The following FRMD8 variants were observed in gnomAD, a reference collection of about 807,000 sequenced individuals.
FRMD8 encodes the protein FERM domain-containing protein 8.
Under a neutral mutation model 54.2 loss-of-function variants are expected in FRMD8, and 37 were observed. The observed-to-expected ratio is 0.68, with a 90% CI of 0.53 to 0.90. The LOEUF (loss-of-function observed/expected upper bound fraction) is 0.90, where lower values mean the gene tolerates loss of function less well. FRMD8 is among the 40% of genes least tolerant of loss of function. FRMD8 has a pLI of 0.00. For synonymous variants in FRMD8, 246 were observed against 286.9 expected (o/e 0.86, Z 1.44); for missense variants, 585 against 653.7 (o/e 0.89, Z 1.15).
chr11:65,402,178 C>T (rs2137916414), intron 9 of FRMD8, among the ~76,000 whole-genome samples: 1 of 151,998 alleles, frequency 6.6e-6, no homozygotes, highest in Middle Eastern at 3.4e-3. Context: ...GTGAAACCCC[C>T]ATCTCTACTA....
chr11:65,408,620 AT>A (rs964857147), intron 10 of FRMD8, among the ~76,000 whole-genome samples: 13 of 147,438 alleles, frequency 8.8e-5, no homozygotes, highest in Middle Eastern at 3.5e-3. Flanking sequence ...AAGTGTGCAG[AT>A]TTTTTTTTTT....
intron 10 of FRMD8, among the ~76,000 whole-genome samples, chr11:65,407,217 A>G (rs1467124309): frequency 2.9e-5 from 4 of 137,680 alleles, no homozygotes; most frequent in Non-Finnish European, 6.2e-5. Flanking sequence ...TAATGCAGTA[A>G]CAAAGATCTA....
chr11:65,371,133 A>C, the FRMD8 span, among the ~76,000 whole-genome samples: 3 of 152,140 alleles, frequency 2.0e-5, no homozygotes, highest in East Asian at 3.8e-4. Context: ...TGGAGACACC[A>C]GTTAAGTCAC....
chr11:65,372,113 T>C, the FRMD8 span, among the ~76,000 whole-genome samples: 1 of 151,996 alleles, frequency 6.6e-6, no homozygotes, highest in Non-Finnish European at 1.5e-5. Flanking sequence ...GGTTTCACCA[T>C]ATTGGCCAGG....
At position 65,404,596 on chromosome 11, in the gene FRMD8, G is replaced by A. The variant is rs1856150541; in HGVS notation, c.1072-268G>A. Among the ~76,000 whole-genome samples the A allele has an allele frequency of 6.6e-6, 1 of 151,348 alleles. No individual in the cohort carries two copies. The highest frequency in any genetic ancestry group is 6.6e-5 in the Admixed American group (1 of 15,186). On this transcript the variant is annotated intron_variant, in intron 9 of 10. Transcript: ENST00000317568. The surrounding 1 kb of genome is among the most constrained non-coding windows in gnomAD (Gnocchi z 4.7). ...CTCCCCACCTGCTTCTGCCCATGGA[G>A]TCAGCCTTCCTGGGCTGTGCCTTCT...
rs144963774 is a variant in FRMD8, at chr11:65,403,652, G to A, written c.1072-1212G>A. The stretch of plus-strand genomic sequence containing the variant: ...TCCCTGACGCACCTGGCCTGAGAGA[G>A]AACATTGTCTTTCACTGAATAAGTG... On this transcript the variant is annotated intron_variant, in intron 9 of 10. Coordinates refer to ENST00000317568, the MANE Select transcript of FRMD8 (RefSeq NM_031904.5). 2.5e-4 allele frequency among the ~76,000 whole-genome samples: 38 copies of A among 152,328 alleles called. 1 individual carries two copies. The East Asian group carries it at 7.3e-3, about 29-fold the overall frequency.
At position 65,411,231 on chromosome 11, in the gene FRMD8, T is replaced by C. The variant is rs1856322323; in HGVS notation, c.1277-11T>C. On this transcript the variant is annotated splice_polypyrimidine_tract_variant and intron_variant, in intron 10 of 10. Coordinates refer to ENST00000317568, the MANE Select transcript of FRMD8 (RefSeq NM_031904.5). Reference sequence around the variant, plus strand: ...CGCCTCTGCTCAGTGTGCCCTCCCATTCCCTCGCAGGCAAGGGGATCAGGC... The same window carrying C: ...CGCCTCTGCTCAGTGTGCCCTCCCACTCCCTCGCAGGCAAGGGGATCAGGC... 6.2e-7 allele frequency: 1 copy of C among 1,601,192 alleles called. No individual in the cohort carries two copies. Among genetic ancestry groups the C allele is most frequent in the African/African-American group, 1.3e-5 (1 of 74,588 alleles).
intron 3 of FRMD8, 26 bp downstream of exon 3, chr11:65,389,554 G>T (rs751430286): frequency 2.6e-6 from 4 of 1,546,110 alleles, no homozygotes; most frequent in Admixed American, 3.9e-5. Context: ...GAGGAGCCCA[G>T]GCTGGAGGGT....
Position 65,404,045 on chromosome 11 carries a change from C to T in FRMD8, c.1072-819C>T, listed in dbSNP as rs934892656. The stretch of plus-strand genomic sequence containing the variant: ...CAGGCCTCTGCTCTTCCTTCTGGGC[C>T]GAGCAGCGGTGCCCACCTGCCCAGC... On this transcript the variant is annotated intron_variant, in intron 9 of 10. Coordinates refer to ENST00000317568, the MANE Select transcript of FRMD8 (RefSeq NM_031904.5). The surrounding 1 kb of genome is among the most constrained non-coding windows in gnomAD (Gnocchi z 4.7). Among the ~76,000 whole-genome samples, 2 of 152,144 alleles carry T rather than the reference C, an allele frequency of 1.3e-5. No individual in the cohort carries two copies. The highest frequency in any genetic ancestry group is 1.5e-5 in the Non-Finnish European group (1 of 68,028).
chr11:65,387,083 G>C lies in FRMD8; in HGVS notation c.47G>C (p.Arg16Pro), dbSNP rs1339399533. The C allele has an allele frequency of 6.2e-7, 1 of 1,608,348 alleles. No homozygotes were observed. The highest frequency in any genetic ancestry group is 8.5e-7 in the Non-Finnish European group (1 of 1,180,004). Residue 16 changes from arginine to proline, a missense_variant, in exon 2 of 11, where the codon CGA (arginine) becomes CCA (proline). Arg to Pro is a moderately radical substitution (Grantham distance 103, BLOSUM62 -2). Transcript: ENST00000317568. ...GCCGGGCAGCCCGGCCCCGCTGAGC[G>C]ATCCCACCGAAGCAGCGTGTCCTCC... ...GSAGQPGPAERSHRSSVSSVG... is the reference protein window; with the variant it reads ...GSAGQPGPAEPSHRSSVSSVG...
intron 10 of FRMD8, among the ~76,000 whole-genome samples, chr11:65,408,934 T>G (rs575025556): frequency 6.6e-6 from 1 of 152,036 alleles, no homozygotes; most frequent in Non-Finnish European, 1.5e-5. Context: ...GAAGAGGCTT[T>G]TCATACCTGC....
At chr11:65,375,515 T>TGGCCA in the FRMD8 span, 1 of 152,364 alleles carries the variant, frequency 6.6e-6, no homozygotes, top group East Asian at 1.9e-4. Flanking sequence ...TGTGCACTGC[T>TGGCCA]GGCCAGGCCC....
Position 65,393,556 on chromosome 11 carries a change from C to G in FRMD8, c.254-17C>G. On this transcript the variant is annotated splice_polypyrimidine_tract_variant and intron_variant, in intron 3 of 10. Coordinates refer to ENST00000317568, the MANE Select transcript of FRMD8 (RefSeq NM_031904.5). ...TGGCCGGAGGCTGCATGGGCCACTC[C>G]CCATCTCGTCCTGCAGAGGTGCAGC... is the stretch of plus-strand genomic sequence containing the variant. The G allele has an allele frequency of 1.3e-6, 2 of 1,599,704 alleles. No individual in the cohort carries two copies. The highest frequency in any genetic ancestry group is 2.2e-5 in the South Asian group (2 of 90,888).
chr11:65,404,852 C>G lies in FRMD8; in HGVS notation c.1072-12C>G. The G allele has an allele frequency of 6.2e-7, 1 of 1,606,550 alleles. No individual in the cohort carries two copies. The highest frequency in any genetic ancestry group is 1.3e-5 in the African/African-American group (1 of 74,922). On this transcript the variant is annotated splice_polypyrimidine_tract_variant and intron_variant, in intron 9 of 10. Transcript: ENST00000317568. This position sits in a 1 kb window ranked among gnomAD's most constrained non-coding sequence, Gnocchi z 4.7. ...GCCCTGGCCAGGCCTCACACTGCCC[C>G]CTCCTCCCCAGGCCGAACTGATGAG...
upstream of FRMD8, among the ~76,000 whole-genome samples, chr11:65,384,046 C>T (rs186424572): frequency 1.2e-3 from 184 of 152,236 alleles, no homozygotes; most frequent in South Asian, 9.1e-3. Context: ...GCCGCCTCCT[C>T]CCTCACTTCA....
intron 2 of FRMD8, among the ~76,000 whole-genome samples, chr11:65,388,337 C>G (rs373732540): frequency 1.3e-5 from 2 of 152,156 alleles, no homozygotes; most frequent in African/African-American, 2.4e-5. Context: ...TGAGCCTCCT[C>G]GAAGTGATTT....
chr11:65,411,282 C>T lies in FRMD8; in HGVS notation c.1317C>T (p.Ser439=), dbSNP rs144271068. 5.0e-5 allele frequency: 80 copies of T among 1,609,832 alleles called. No homozygotes were observed. The highest frequency in any genetic ancestry group is 6.4e-5 in the Non-Finnish European group (76 of 1,179,344). The change falls in exon 11 of 11, where the codon TCC becomes TCT. Residue 439 remains serine (S), a synonymous_variant. Transcript: ENST00000317568. ...IRRVKPKRTT[S]FFSRQLSLGQ... The stretch of plus-strand genomic sequence containing the variant: ...GAGTGAAGCCGAAGCGCACCACATC[C>T]TTCTTCAGCCGGCAGCTGTCCTTGG...
intron 2 of FRMD8, among the ~76,000 whole-genome samples, chr11:65,388,146 G>C (rs995306353): frequency 6.6e-6 from 1 of 150,864 alleles, no homozygotes; most frequent in East Asian, 2.0e-4. Context: ...CCTGGGCAAC[G>C]AGGGTGAAAC....
At chr11:65,388,632 A>ATTT (rs1365823916) in intron 2 of FRMD8, among the ~76,000 whole-genome samples, 3 of 152,236 alleles carry the variant, frequency 2.0e-5, no homozygotes, top group Admixed American at 6.5e-5. Flanking sequence ...TTGCTCTTCC[A>ATTT]GGTGTCTCCA....
Sources: gnomAD v4.1 joint callset for allele counts (sites outside exome capture counted in the v4.1 genomes callset) on GRCh38, gnomAD v4.1.1 for gene constraint, Gnocchi (gnomAD v3.1) non-coding constraint, MANE v1.5 for transcripts, NCBI Gene and HGNC (gene_info 2026-07-23, HGNC 2026-07-21) for gene names.